Variants in EYS observed in about 807,000 individuals in gnomAD.
EYS encodes EGF-like photoreceptor maintenance factor, also known as protein eyes shut homolog.
EYS carries 250 observed loss-of-function variants against 282.1 expected under a neutral mutation model. That is an observed-to-expected ratio of 0.89 (90% CI 0.80 to 0.98). The LOEUF is 0.98. Among genes scored for constraint, EYS ranks in the 50% least tolerant of loss-of-function variants. EYS has a pLI of 0.00. For synonymous variants in EYS, 1,355 were observed against 1,282.9 expected (o/e 1.06, Z -1.20); for missense variants, 4,016 against 3,709.0 (o/e 1.08, Z -2.15).
rs1583243602 is a variant in EYS at position 64,871,034 on chromosome 6, G to C, written c.2992+15663C>G. Among the ~76,000 whole-genome samples, 3 of 151,864 alleles carry C rather than the reference G, an allele frequency of 2.0e-5. No homozygotes were observed. In the East Asian group the frequency reaches 5.8e-4, roughly 29 times the overall value. Reference sequence around the variant, plus strand: ...ACAGAGAATGCTTGAAGAAATAATGGCTTAAATTATCTTACATTCAACTGA... The same window carrying C: ...ACAGAGAATGCTTGAAGAAATAATGCCTTAAATTATCTTACATTCAACTGA... On this transcript the variant is annotated intron_variant, in intron 19 of 42. Coordinates refer to ENST00000503581, the MANE Select transcript of EYS (RefSeq NM_001142800.2).
intron 10 of EYS, among the ~76,000 whole-genome samples, chr6:65,339,681 A>T (rs1770126513): frequency 6.6e-6 from 1 of 151,146 alleles, no homozygotes; most frequent in African/African-American, 2.4e-5. Flanking sequence ...GAAGAGTTTG[A>T]TCAATGAAAT....
chr6:65,044,039 TA>T (rs1773023254), intron 13 of EYS, among the ~76,000 whole-genome samples: 1 of 151,858 alleles, frequency 6.6e-6, no homozygotes, highest in African/African-American at 2.4e-5. Context: ...CAACAAAACT[TA>T]TTATTTTTCA....
At chr6:65,427,124 A>G (rs1767692588) in intron 5 of EYS, among the ~76,000 whole-genome samples, 1 of 152,076 alleles carries the variant, frequency 6.6e-6, no homozygotes, top group Non-Finnish European at 1.5e-5. Flanking sequence ...TAAATGGTGT[A>G]GGGTAACCCT....
intron 12 of EYS, among the ~76,000 whole-genome samples, chr6:65,203,625 A>G (rs1765958213): frequency 6.6e-6 from 1 of 152,182 alleles, no homozygotes; most frequent in Non-Finnish European, 1.5e-5. Context: ...CAGCATCTAC[A>G]TATGAAAAGA....
intron 5 of EYS, among the ~76,000 whole-genome samples, chr6:65,456,248 C>T (rs753379081): frequency 5.3e-5 from 8 of 152,014 alleles, no homozygotes; most frequent in East Asian, 3.9e-4. Context: ...GTCAGGAGAG[C>T]GAGACCATTC....
intron 8 of EYS, among the ~76,000 whole-genome samples, chr6:65,379,200 C>T (rs964771950): frequency 5.3e-5 from 8 of 151,960 alleles, no homozygotes; most frequent in East Asian, 3.9e-4. Flanking sequence ...TGATGAACTT[C>T]GACGTGAAAA....
intron 15 of EYS, among the ~76,000 whole-genome samples, chr6:64,945,544 T>G (rs1268509656): frequency 6.6e-6 from 1 of 152,070 alleles, no homozygotes; most frequent in Non-Finnish European, 1.5e-5. Flanking sequence ...AGTAAATGCA[T>G]TTGTATCATT....
At chr6:64,235,726 T>A (rs1459159007) in intron 30 of EYS, among the ~76,000 whole-genome samples, 2 of 152,186 alleles carry the variant, frequency 1.3e-5, no homozygotes, top group Non-Finnish European at 2.9e-5. Flanking sequence ...AGTGTTCCAA[T>A]TTCTCCATAT....
intron 13 of EYS, among the ~76,000 whole-genome samples, chr6:65,044,832 C>A (rs1314376633): frequency 2.0e-5 from 3 of 151,768 alleles, no homozygotes; most frequent in African/African-American, 7.3e-5. Flanking sequence ...GGTGTCCTTT[C>A]TTGAATTCCC....
chr6:64,686,825 A>ATATATATGTG lies in EYS; in HGVS notation c.3444-60581_3444-60580insCACATATATA, dbSNP rs1770141785. On this transcript the variant is annotated intron_variant, in intron 22 of 42. Transcript: ENST00000503581. ...TATATGTGTGTATATATATATGTGT[A>ATATATATGTG]TATATATATATACGTGTATATATAT... is the stretch of plus-strand genomic sequence containing the variant. Among the ~76,000 whole-genome samples the ATATATATGTG allele has an allele frequency of 6.8e-4, 12 of 17,694 alleles. 5 individuals are homozygous for ATATATATGTG. In the South Asian group the frequency reaches 0.014, roughly 21 times the overall value. 11.6% of individuals were successfully genotyped at this position (17,694 alleles called of 152,430 possible).
chr6:64,425,139 T>C (rs934337817), intron 28 of EYS, among the ~76,000 whole-genome samples: 8 of 152,122 alleles, frequency 5.3e-5, no homozygotes, highest in African/African-American at 1.7e-4. Context: ...AAGTCAGGTA[T>C]TGGGTGAGGT....
At chr6:65,573,223 C>T (rs1191506291) in intron 2 of EYS, among the ~76,000 whole-genome samples, 3 of 152,092 alleles carry the variant, frequency 2.0e-5, no homozygotes, top group Non-Finnish European at 4.4e-5. Context: ...ATTAATGAAT[C>T]TGCCACAACA....
chr6:64,224,268 G>C (rs941774716), intron 31 of EYS, among the ~76,000 whole-genome samples: 2 of 151,654 alleles, frequency 1.3e-5, no homozygotes, highest in East Asian at 1.9e-4. Flanking sequence ...CCTATTTTTT[G>C]GCCTGTTGTA....
At chr6:64,403,534 T>C (rs1047307801) in intron 28 of EYS, among the ~76,000 whole-genome samples, 1 of 152,070 alleles carries the variant, frequency 6.6e-6, no homozygotes, top group African/African-American at 2.4e-5. Flanking sequence ...TTTTTTTGTA[T>C]TTTTAATAGA....
At chr6:64,089,696 AAATTTGTT>A (rs1772288359) in intron 31 of EYS, among the ~76,000 whole-genome samples, 1 of 152,066 alleles carries the variant, frequency 6.6e-6, no homozygotes, top group African/African-American at 2.4e-5. Flanking sequence ...AAACACTGAT[AAATTTGTT>A]AAGTGCTGAT....
intron 5 of EYS, among the ~76,000 whole-genome samples, chr6:65,483,112 A>G (rs2127257582): frequency 6.6e-6 from 1 of 152,284 alleles, no homozygotes; most frequent in East Asian, 1.9e-4. Flanking sequence ...AATTAAGAAT[A>G]CATTTTCATG....
At chr6:64,157,945 T>C (rs999271158) in intron 31 of EYS, among the ~76,000 whole-genome samples, 4 of 151,988 alleles carry the variant, frequency 2.6e-5, no homozygotes, top group Admixed American at 6.6e-5. Context: ...GACCCCAGAA[T>C]AGTAGATCCA....
At chr6:64,836,561 A>G (rs958352412) in intron 19 of EYS, among the ~76,000 whole-genome samples, 3 of 151,596 alleles carry the variant, frequency 2.0e-5, no homozygotes, top group African/African-American at 7.2e-5. Flanking sequence ...AGGCAGTAAC[A>G]TGCATATTAA....
chr6:64,759,991 A>G (rs1196491719), intron 22 of EYS, among the ~76,000 whole-genome samples: 1 of 152,210 alleles, frequency 6.6e-6, no homozygotes, highest in East Asian at 1.9e-4. Flanking sequence ...AATGCACTAT[A>G]CATTTTGTGG....
Sources: allele counts gnomAD v4.1 joint callset (sites outside exome capture counted in the v4.1 genomes callset), GRCh38; gene constraint gnomAD v4.1.1; transcripts MANE v1.5; gene names NCBI Gene and HGNC (gene_info 2026-07-23, HGNC 2026-07-21).